The following NEB variants were observed in gnomAD, a reference collection of about 807,000 sequenced individuals.
NEB encodes nebulin.
Under a neutral mutation model 952.2 loss-of-function variants are expected in NEB, and 512 were observed. The ratio of observed to expected loss-of-function variants is 0.54; its 90% CI spans 0.50 to 0.58. The LOEUF is 0.58. NEB is among the 20% of genes least tolerant of loss of function. The pLI, the probability that NEB is intolerant of heterozygous loss-of-function variation, is 0.00. For synonymous variants in NEB, 2,900 were observed against 3,149.8 expected, an observed-to-expected ratio of 0.92 and a Z score of 2.66; for missense variants, 8,428 against 9,231.1, an observed-to-expected ratio of 0.91 and a Z score of 3.56.
Position 151,692,312 on chromosome 2 carries a change from G to A in NEB, c.1947C>T (p.Tyr649=), listed in dbSNP as rs1476481410. 3 of 1,613,620 alleles carry A rather than the reference G, an allele frequency of 1.9e-6. No homozygotes were observed. The highest frequency in any genetic ancestry group is 1.7e-5 in the Admixed American group (1 of 59,986). ...YEKTKAKSMN[Y]CETPKYQLDT... ...CAAGTTGATATTTTGGGGTCTCACA[G>A]TAATTCATACTCTTTGCCTTTGTCT... The change falls in exon 21 of 182, where the codon TAC becomes TAT. Residue 649 remains tyrosine (Y), a synonymous_variant. Coordinates refer to ENST00000397345, the MANE Select transcript of NEB (RefSeq NM_001164508.2).
intron 39 of NEB, among the ~76,000 whole-genome samples, chr2:151,668,119 C>T (rs1306594799): frequency 1.3e-5 from 2 of 152,134 alleles, no homozygotes; most frequent in Non-Finnish European, 2.9e-5. Flanking sequence ...ATAATCTCAA[C>T]TGATCAAAAA....
In NEB at chr2:151,606,259, G is replaced by A. The variant is rs541360752; in HGVS notation, c.12747+347C>T. ...ATGATTTCAGTCTTAAGTCTTATAT[G>A]AAACTATCATCTGTGACTTATATTT... On this transcript the variant is annotated intron_variant, in intron 84 of 181. Coordinates refer to ENST00000397345, the MANE Select transcript of NEB (RefSeq NM_001164508.2). Among the ~76,000 whole-genome samples, 381 of 70,066 alleles carry A rather than the reference G, an allele frequency of 5.4e-3. 82 individuals carry two copies. Among genetic ancestry groups the A allele is most frequent in the South Asian group, 0.021 (43 of 2,094 alleles). 46.0% of individuals were successfully genotyped at this position (70,066 alleles called of 152,430 possible). A position where few individuals can be genotyped will look rare whatever the true frequency, so the allele number is the denominator to read the frequency against.
At chr2:151,578,944 T>C (rs2097013937) in intron 105 of NEB, among the ~76,000 whole-genome samples, 1 of 148,764 alleles carries the variant, frequency 6.7e-6, no homozygotes, top group South Asian at 2.1e-4. Flanking sequence ...CAGCTGGGTG[T>C]GGTGCACATG....
At chr2:151,695,161 CTA>C (rs2099587018) in intron 18 of NEB, among the ~76,000 whole-genome samples, 2 of 152,032 alleles carry the variant, frequency 1.3e-5, no homozygotes. Context: ...TTTCAATCCC[CTA>C]TATCTTTATT....
chr2:151,684,946 T>G lies in NEB; in HGVS notation c.2667A>C (p.Ser889=). 1.2e-6 allele frequency: 2 copies of G among 1,611,294 alleles called. No homozygotes were observed. Among genetic ancestry groups the G allele is most frequent in the Non-Finnish European group, 1.7e-6 (2 of 1,178,678 alleles). The change falls in exon 28 of 182, where the codon TCA becomes TCC. Residue 889 remains serine (S), a synonymous_variant. Transcript: ENST00000397345. ...DREYRKDYEK[S]KTIYTAPLDM... ...CAAGAGGTGCCGTGTAGATAGTTTT[T>G]GACTTTTCATAATCTTTTCGATATT...
intron 153 of NEB, among the ~76,000 whole-genome samples, chr2:151,520,866 AAAAT>A (rs1326095851): frequency 1.5e-5 from 2 of 133,030 alleles, no homozygotes; most frequent in East Asian, 1.9e-4. Context: ...CCTGTCTCAC[AAAAT>A]AAATAAGAGG....
intron 164 of NEB, 29 bp from the exon 165 acceptor site, chr2:151,505,599 GTAT>G: frequency 1.3e-6 from 2 of 1,545,538 alleles, no homozygotes; most frequent in Non-Finnish European, 1.8e-6. Context: ...GAAAAGAAAG[GTAT>G]TATTACATGC....
At chr2:151,514,758 G>T in intron 158 of NEB, 60 bp downstream of exon 158, 1 of 1,177,790 alleles carries the variant, frequency 8.5e-7, no homozygotes, top group South Asian at 1.4e-5. Context: ...ACACATTAAT[G>T]AGTGTCACTA....
At chr2:151,565,845 T>C (rs2096349227) in intron 114 of NEB, 25 bp from the exon 115 acceptor site, 3 of 1,517,944 alleles carry the variant, frequency 2.0e-6, no homozygotes, top group Non-Finnish European at 1.8e-6. Flanking sequence ...AGAGATATAA[T>C]GGAGGAATAA....
Position 151,512,659 on chromosome 2 carries a change from G to A in NEB, c.23346+74C>T, listed in dbSNP as rs1204171005. ...AAACTGATCTGAAGAATCTCTTAAG[G>A]TATTTATTAATGGAAGGACTTCCAT... On this transcript the variant is annotated intron_variant, in intron 161 of 181. Transcript: ENST00000397345. The A allele has an allele frequency of 1.7e-5, 18 of 1,045,968 alleles. No homozygotes were observed. The East Asian group carries it at 3.7e-4, about 21-fold the overall frequency. The allele number at this position is 1,045,968 out of a possible 1,614,324, so 64.8% of individuals were successfully genotyped here. A position where few individuals can be genotyped will look rare whatever the true frequency, so the allele number is the denominator to read the frequency against.
chr2:151,537,822 TA>T, intron 140 of NEB, 49 bp downstream of exon 140: 1 of 1,261,798 alleles, frequency 7.9e-7, no homozygotes, highest in Non-Finnish European at 1.1e-6. Context: ...TTTCAGAGCT[TA>T]TATGGGAATA....
intron 152 of NEB, 45 bp downstream of exon 152, chr2:151,524,470 G>A: frequency 1.2e-6 from 2 of 1,612,778 alleles, no homozygotes. Context: ...GGCATGCCTT[G>A]GCAATGGCTG....
chr2:151,618,701 T>G (rs1377189960), intron 73 of NEB, among the ~76,000 whole-genome samples: 1 of 152,212 alleles, frequency 6.6e-6, no homozygotes, highest in Non-Finnish European at 1.5e-5. Flanking sequence ...AGATCTTCTT[T>G]TAAAGTAAAA....
rs11692477 is a variant in NEB, at chr2:151,730,165, T to C, written c.37-509A>G. ...CCAAGGTATATCCACATCTCAATTA[T>C]TCCTATACCCTCCTGATTAGTAAGT... On this transcript the variant is annotated intron_variant, in intron 3 of 181. Transcript: ENST00000397345. 6.8e-3 allele frequency among the ~76,000 whole-genome samples: 1,034 copies of C among 152,322 alleles called. 3 individuals are homozygous for C. Among genetic ancestry groups the C allele is most frequent in the Middle Eastern group, 0.02 (6 of 294 alleles).
intron 79 of NEB, 22 bp from the exon 80 acceptor site, chr2:151,610,645 A>G: frequency 6.3e-7 from 1 of 1,590,948 alleles, no homozygotes; most frequent in African/African-American, 1.3e-5. Context: ...ATAATAGACG[A>G]CAGAAAATAA....
Position 151,518,379 on chromosome 2 carries a change from T to C in NEB, c.22739A>G (p.His7580Arg). 6.2e-7 allele frequency: 1 copy of C among 1,612,550 alleles called. No homozygotes were observed. The highest frequency in any genetic ancestry group is 8.5e-7 in the Non-Finnish European group (1 of 1,178,662). Reference protein sequence around the residue: ...KKYEKSKGHYHTIPDNLEQLH... With the variant: ...KKYEKSKGHYRTIPDNLEQLH... ...CTGCTCCAGATTATCGGGTATGGTG[T>C]GGTAGTGGCCTTTACTCTTCTCATA... Residue 7580 changes from histidine to arginine, a missense_variant, in exon 156 of 182, where the codon CAC becomes CGC. By Grantham distance (29) the His-to-Arg change is conservative. This residue lies in a region of NEB where 3,374 missense variants were observed against 3,651.5 expected (regional missense o/e 0.92). Transcript: ENST00000397345.
chr2:151,503,403 G>T lies in NEB; in HGVS notation c.23781C>A (p.Thr7927=), dbSNP rs924084939. 6.2e-7 allele frequency: 1 copy of T among 1,612,632 alleles called. No individual in the cohort carries two copies. The change falls in exon 166 of 182, where the codon ACC becomes ACA. Residue 7927 remains threonine, a synonymous_variant. Transcript: ENST00000397345. ...YKENLGTGIP[T]TVTPEIERVK... is the part of the protein sequence containing the mutation. The stretch of plus-strand genomic sequence containing the variant: ...CTCTCTCAATCTCTGGAGTCACAGT[G>T]GTTGGAATGCCTGTTCCCAAGTTTT...
intron 9 of NEB, among the ~76,000 whole-genome samples, chr2:151,718,176 G>C (rs943632188): frequency 6.6e-6 from 1 of 152,088 alleles, no homozygotes; most frequent in Non-Finnish European, 1.5e-5. Flanking sequence ...CTTATGCCTA[G>C]GATGCTGAAT....
chr2:151,571,233 G>T (rs2096618451), intron 107 of NEB, among the ~76,000 whole-genome samples: 1 of 152,138 alleles, frequency 6.6e-6, no homozygotes, highest in Admixed American at 6.6e-5. Flanking sequence ...TCAAACTCCT[G>T]ACCCTCAGGT....
Sources: allele counts gnomAD v4.1 joint callset (sites outside exome capture counted in the v4.1 genomes callset), GRCh38; gene constraint gnomAD v4.1.1; regional missense constraint gnomAD v4.1.1; transcripts MANE v1.5; gene names NCBI Gene and HGNC (gene_info 2026-07-23, HGNC 2026-07-21).